The following CAST variants were observed in gnomAD, a reference collection of about 807,000 sequenced individuals.
CAST encodes the protein calpastatin.
In CAST, 76 loss-of-function variants were observed where a neutral mutation model predicts 119.6. The observed-to-expected ratio is 0.64, with a 90% CI of 0.53 to 0.77. The LOEUF (loss-of-function observed/expected upper bound fraction) is 0.77, where lower values mean the gene tolerates loss of function less well. Ranked by LOEUF, CAST falls within the 30% of genes least tolerant of loss-of-function variation. The pLI is 0.00. For synonymous variants in CAST, 319 were observed against 331.6 expected (o/e 0.96, Z 0.41); for missense variants, 953 against 946.5 (o/e 1.01, Z -0.09).
At chr5:96,046,825 G>A in the CAST span, among the ~76,000 whole-genome samples, 254 of 152,308 alleles carry the variant, frequency 1.7e-3, no homozygotes, top group Middle Eastern at 3.4e-3. Context: ...CACTTCTTAC[G>A]TGGCAGCAGC....
At chr5:96,319,344 A>AACCATATCAGGT in the CAST span, among the ~76,000 whole-genome samples, 1 of 152,224 alleles carries the variant, frequency 6.6e-6, no homozygotes, top group African/African-American at 2.4e-5. Flanking sequence ...ATGCACATCC[A>AACCATATCAGGT]AACCATATCA....
the CAST span, chr5:96,432,754 A>T: frequency 1.2e-6 from 1 of 850,642 alleles, no homozygotes; most frequent in Non-Finnish European, 2.0e-6. Context: ...GCTCTTTGCT[A>T]CTCTGGGCTC....
chr5:96,453,986 G>A, the CAST span, among the ~76,000 whole-genome samples: 4 of 152,126 alleles, frequency 2.6e-5, no homozygotes, highest in Non-Finnish European at 4.4e-5. Context: ...GTTCTACTGC[G>A]CAGAATTTTT....
the CAST span, among the ~76,000 whole-genome samples, chr5:96,271,092 A>G: frequency 2.0e-5 from 3 of 152,180 alleles, no homozygotes; most frequent in African/African-American, 4.8e-5. Flanking sequence ...TGAAAGATCT[A>G]TATAAGGAAA....
At chr5:96,717,107 T>A (rs1174673643) in intron 3 of CAST, among the ~76,000 whole-genome samples, 2 of 152,198 alleles carry the variant, frequency 1.3e-5, no homozygotes, top group African/African-American at 4.8e-5. Context: ...ACTGTGATTT[T>A]TGAGCCCCTC....
At chr5:96,090,083 G>A in the CAST span, among the ~76,000 whole-genome samples, 3 of 152,102 alleles carry the variant, frequency 2.0e-5, no homozygotes, top group East Asian at 5.8e-4. Context: ...GAGTTATTGT[G>A]AAGGTTAAGT....
At chr5:96,499,368 T>C in the CAST span, among the ~76,000 whole-genome samples, 6 of 152,270 alleles carry the variant, frequency 3.9e-5, no homozygotes, top group African/African-American at 1.4e-4. Flanking sequence ...TAAAGTTATA[T>C]TTGCACTATA....
chr5:96,534,886 AAG>A (rs1338764525), intron 1 of CAST, among the ~76,000 whole-genome samples: 2 of 150,972 alleles, frequency 1.3e-5, no homozygotes, highest in African/African-American at 4.9e-5. Context: ...AAAGAAAAGA[AAG>A]AAAGAAGGAA....
the CAST span, among the ~76,000 whole-genome samples, chr5:96,025,401 C>A: frequency 6.6e-6 from 1 of 152,074 alleles, no homozygotes; most frequent in African/African-American, 2.4e-5. Context: ...ACCTTCATGA[C>A]CTAATTATCC....
the CAST span, chr5:95,980,435 A>G: frequency 6.6e-6 from 1 of 152,164 alleles, no homozygotes; most frequent in Non-Finnish European, 1.5e-5. Context: ...TGCCAAATAC[A>G]GCCTGAAAGT....
At chr5:96,261,005 G>A in the CAST span, among the ~76,000 whole-genome samples, 4 of 152,180 alleles carry the variant, frequency 2.6e-5, no homozygotes, top group African/African-American at 9.6e-5. Flanking sequence ...CAGCAAAATT[G>A]CTGAGTAAGG....
chr5:96,351,628 T>A, the CAST span, among the ~76,000 whole-genome samples: 5 of 152,140 alleles, frequency 3.3e-5, no homozygotes, highest in African/African-American at 1.2e-4. Context: ...ACTGCACACC[T>A]GTATTACGTA....
chr5:96,080,586 G>T, the CAST span, among the ~76,000 whole-genome samples: 2 of 152,210 alleles, frequency 1.3e-5, no homozygotes, highest in Non-Finnish European at 2.9e-5. Context: ...GCAGGGATTA[G>T]ATTAGATGAT....
chr5:96,573,651 G>T (rs548897817), intron 1 of CAST, among the ~76,000 whole-genome samples: 2 of 144,516 alleles, frequency 1.4e-5, no homozygotes, highest in Admixed American at 1.4e-4. Flanking sequence ...AAAAAAAAAT[G>T]ACATGCACAG....
At chr5:96,451,264 G>A in the CAST span, among the ~76,000 whole-genome samples, 1 of 152,162 alleles carries the variant, frequency 6.6e-6, no homozygotes, top group African/African-American at 2.4e-5. Context: ...TTAGCACTAT[G>A]CAGTTCTTAA....
At chr5:96,474,055 G>A in the CAST span, among the ~76,000 whole-genome samples, 1 of 152,140 alleles carries the variant, frequency 6.6e-6, no homozygotes, top group Non-Finnish European at 1.5e-5. Flanking sequence ...AGATGAAGCA[G>A]GGGAGGAAAG....
the CAST span, among the ~76,000 whole-genome samples, chr5:96,149,339 G>T: frequency 1.3e-5 from 2 of 152,202 alleles, no homozygotes; most frequent in Non-Finnish European, 2.9e-5. Context: ...GTTTTCACAT[G>T]GGGAGGATAT....
Position 96,729,719 on chromosome 5 carries a change from AC to A in CAST, c.545del (p.Pro182GlnfsTer8). 7.0e-7 allele frequency: 1 copy of A among 1,424,008 alleles called. No homozygotes were observed. Among genetic ancestry groups the A allele is most frequent in the Non-Finnish European group, 9.9e-7 (1 of 1,006,792 alleles). 88.2% of individuals were successfully genotyped at this position (1,424,008 alleles called of 1,614,324 possible). On this transcript the variant is annotated frameshift_variant, in exon 8 of 32. Transcript: ENST00000675179. LOFTEE classifies it high-confidence loss of function. ...AGCAGCCATCAGAGAAATCAACAGAACCAAAGGTAAATGAAGCAGATTGATA... is the reference window on the plus strand; with the variant it reads ...AGCAGCCATCAGAGAAATCAACAGAACAAAGGTAAATGAAGCAGATTGATA... ...EQQPSEKSTE[P>X]KTKPQDMISA...
At chr5:96,346,075 GTTT>G in the CAST span, among the ~76,000 whole-genome samples, 1 of 152,194 alleles carries the variant, frequency 6.6e-6, no homozygotes, top group Non-Finnish European at 1.5e-5. Flanking sequence ...AAATGATGGA[GTTT>G]GCATTTGGGT....
Sources: allele counts gnomAD v4.1 joint callset (sites outside exome capture counted in the v4.1 genomes callset), GRCh38; gene constraint gnomAD v4.1.1; transcripts MANE v1.5; gene names NCBI Gene and HGNC (gene_info 2026-07-23, HGNC 2026-07-21).